Variants in CEP295 observed in about 807,000 individuals in gnomAD.
The protein encoded by CEP295 is centrosomal protein of 295 kDa.
A neutral mutation model predicts 291.6 loss-of-function variants in CEP295; 190 were observed. The ratio of observed to expected loss-of-function variants is 0.65; its 90% CI spans 0.58 to 0.73. CEP295 has a LOEUF of 0.73. Among genes scored for constraint, CEP295 ranks in the 30% least tolerant of loss-of-function variants. CEP295 has a pLI of 0.00. For missense variants in CEP295, 2,863 were observed against 2,949.4 expected (o/e 0.97, Z 0.68); for synonymous variants, 993 against 1,038.8 (o/e 0.96, Z 0.85).
At position 93,692,018 on chromosome 11, in the gene CEP295, A is replaced by G. The variant is rs908874193; in HGVS notation, c.1521A>G (p.Ala507=). The G allele has an allele frequency of 6.7e-6, 10 of 1,494,532 alleles. No individual in the cohort carries two copies. Among genetic ancestry groups the G allele is most frequent in the Middle Eastern group, 1.7e-4 (1 of 5,924 alleles). 92.6% of individuals were successfully genotyped at this position (1,494,532 alleles called of 1,614,324 possible). ...CAGCAGCCAGGATTAGAATGTCAGC[A>G]AGGCAGAAACAGGTAATTTGAAATT... ...QEAAARIRMS[A]RQKQIMEIEE... The change falls in exon 12 of 30, where the codon GCA becomes GCG. Residue 507 remains alanine, a synonymous_variant. Transcript: ENST00000325212.
chr11:93,681,679 G>A (rs1168546257), intron 7 of CEP295, among the ~76,000 whole-genome samples: 2 of 151,910 alleles, frequency 1.3e-5, no homozygotes, highest in African/African-American at 2.4e-5. Flanking sequence ...CTCCCAAATT[G>A]CTGGGATTAC....
chr11:93,667,499 A>T lies in CEP295; in HGVS notation c.109-108A>T, dbSNP rs1385342812. 7.1e-5 allele frequency: 51 copies of T among 718,444 alleles called. No individual in the cohort carries two copies. The East Asian group carries it at 1.3e-3, about 19-fold the overall frequency. The allele number at this position is 718,444 out of a possible 1,614,324, so 44.5% of individuals were successfully genotyped here. On this transcript the variant is annotated intron_variant, in intron 2 of 29. Coordinates refer to ENST00000325212, the MANE Select transcript of CEP295 (RefSeq NM_033395.2). Reference sequence around the variant, plus strand: ...CTAATACAAGATGAGTATCAAAGAGAGTTGACAGACTTAAGAGAATTCATT... The same window carrying T: ...CTAATACAAGATGAGTATCAAAGAGTGTTGACAGACTTAAGAGAATTCATT...
At chr11:93,683,780 A>G in intron 8 of CEP295, 38 bp downstream of exon 8, 1 of 1,505,874 alleles carries the variant, frequency 6.6e-7, no homozygotes. Flanking sequence ...TAGTGATTTT[A>G]TACGTTTTGG....
chr11:93,700,081 T>C lies in CEP295; in HGVS notation c.5169T>C (p.Tyr1723=), dbSNP rs1180139710. The C allele has an allele frequency of 3.2e-6, 5 of 1,551,676 alleles. No homozygotes were observed. The highest frequency in any genetic ancestry group is 2.4e-5 in the East Asian group (1 of 40,924). ...QLDLQREVLH[Y]SQKAQEKLLV... is the part of the protein sequence containing the mutation. ...ATCTACAAAGAGAAGTTCTGCATTA[T>C]AGCCAGAAAGCCCAGGAAAAATTGC... Residue 1723 remains tyrosine (Y), a synonymous_variant, in exon 15 of 30, where the codon TAT becomes TAC. Coordinates refer to ENST00000325212, the MANE Select transcript of CEP295 (RefSeq NM_033395.2).
intron 5 of CEP295, among the ~76,000 whole-genome samples, chr11:93,674,509 C>T (rs1056235800): frequency 6.6e-6 from 1 of 152,144 alleles, no homozygotes; most frequent in African/African-American, 2.4e-5. Context: ...GTGCAGAGTA[C>T]AATGCCACTG....
chr11:93,664,192 CA>C (rs150822511), intron 1 of CEP295, among the ~76,000 whole-genome samples: 2,988 of 152,230 alleles, frequency 0.02, 102 homozygotes, highest in African/African-American at 0.069. Flanking sequence ...AATAAAGATA[CA>C]TTGTGAAGAT....
intron 1 of CEP295, among the ~76,000 whole-genome samples, chr11:93,666,223 T>C (rs1300345306): frequency 6.6e-6 from 1 of 152,222 alleles, no homozygotes; most frequent in East Asian, 1.9e-4. Context: ...TATTTGTAAA[T>C]AAGTTGGACT....
At chr11:93,670,048 TCCTC>T (rs2134811097) in intron 5 of CEP295, among the ~76,000 whole-genome samples, 1 of 152,280 alleles carries the variant, frequency 6.6e-6, no homozygotes, top group South Asian at 2.1e-4. Flanking sequence ...TGTTCAGCCT[TCCTC>T]AATGATGTCA....
chr11:93,694,226 C>T (rs1951737908), intron 12 of CEP295, among the ~76,000 whole-genome samples: 1 of 152,108 alleles, frequency 6.6e-6, no homozygotes, highest in African/African-American at 2.4e-5. Flanking sequence ...CCTTTTTTTA[C>T]TTATTCAGTA....
Position 93,699,887 on chromosome 11 carries a change from C to T in CEP295, c.4975C>T (p.Pro1659Ser), listed in dbSNP as rs982371131. The T allele has an allele frequency of 8.4e-6, 13 of 1,551,852 alleles. No homozygotes were observed. Among genetic ancestry groups the T allele is most frequent in the Middle Eastern group, 1.7e-4 (1 of 6,016 alleles). ...AACAGAGCATTCGTTTATTCCACTA[C>T]CTTTTGCAGAAGCTAAACCTAAAAG... is the stretch of plus-strand genomic sequence containing the variant. ...KETEHSFIPL[P>S]FAEAKPKSTC... Residue 1659 changes from proline (P) to serine (S), a missense_variant, in exon 15 of 30, where the codon CCT becomes TCT. Coordinates refer to ENST00000325212, the MANE Select transcript of CEP295 (RefSeq NM_033395.2).
At position 93,697,420 on chromosome 11, in the gene CEP295, G is replaced by A. The variant is rs763072413; in HGVS notation, c.2508G>A (p.Pro836=). Residue 836 remains proline, a synonymous_variant, in exon 15 of 30, where the codon CCG becomes CCA. Coordinates refer to ENST00000325212, the MANE Select transcript of CEP295 (RefSeq NM_033395.2). ...ISQMHDRPLL[P]SENITAQQGN... The stretch of plus-strand genomic sequence containing the variant: ...AAATGCATGATAGGCCTTTGCTGCC[G>A]TCAGAGAATATCACAGCCCAGCAAG... 2.2e-5 allele frequency: 34 copies of A among 1,552,034 alleles called. No individual in the cohort carries two copies. Among genetic ancestry groups the A allele is most frequent in the Admixed American group, 7.8e-5 (4 of 50,968 alleles).
At chr11:93,714,746 G>A (rs1953124651) in intron 18 of CEP295, among the ~76,000 whole-genome samples, 1 of 152,218 alleles carries the variant, frequency 6.6e-6, no homozygotes, top group African/African-American at 2.4e-5. Flanking sequence ...TACTGCCTTG[G>A]TGGTCTTGGA....
intron 18 of CEP295, chr11:93,719,631 AATTG>A (rs1189843622): frequency 1.3e-5 from 2 of 151,982 alleles, no homozygotes; most frequent in Non-Finnish European, 2.9e-5. Flanking sequence ...GAGTTATCTC[AATTG>A]ATTATTTACA....
At position 93,691,783 on chromosome 11, in the gene CEP295, T is replaced by A. The variant is rs574361264; in HGVS notation, c.1429+8T>A. On this transcript the variant is annotated splice_region_variant and intron_variant, in intron 11 of 29. Transcript: ENST00000325212. ...ACTCTGGAAAAGAACAAGGTATTTC[T>A]TTTTATCACATCCTCAAATTAAATT... 4 of 1,499,224 alleles carry A rather than the reference T, an allele frequency of 2.7e-6. No individual in the cohort carries two copies. The highest frequency in any genetic ancestry group is 3.6e-6 in the Non-Finnish European group (4 of 1,107,698). 92.9% of individuals were successfully genotyped at this position (1,499,224 alleles called of 1,614,324 possible). A position where few individuals can be genotyped will look rare whatever the true frequency, so the allele number is the denominator to read the frequency against.
chr11:93,727,533 G>C lies in CEP295; in HGVS notation c.7057G>C (p.Glu2353Gln). 1 of 1,551,556 alleles carries C rather than the reference G, an allele frequency of 6.4e-7. No homozygotes were observed. The highest frequency in any genetic ancestry group is 8.7e-7 in the Non-Finnish European group (1 of 1,146,900). ...TGAAAAATATTTTGAGAATTCAGCT[G>C]AAACAGACATTCCAAAAATCACCAA... ...QNEKYFENSA[E>Q]TDIPKITKKL... The change falls in exon 24 of 30, where the codon GAA becomes CAA. Residue 2353 changes from glutamate (E) to glutamine (Q), a missense_variant. Transcript: ENST00000325212.
At chr11:93,675,547 A>T in intron 5 of CEP295, 24 bp from the exon 6 acceptor site, 2 of 1,304,468 alleles carry the variant, frequency 1.5e-6, no homozygotes, top group Non-Finnish European at 2.1e-6. Context: ...CTTTTAACCT[A>T]TTTTTTTATG....
At chr11:93,673,197 C>T (rs1950530883) in intron 5 of CEP295, among the ~76,000 whole-genome samples, 1 of 152,126 alleles carries the variant, frequency 6.6e-6, no homozygotes, top group Admixed American at 6.6e-5. Context: ...TGCCTTTGAT[C>T]CTAGCTACTC....
chr11:93,675,635 C>G lies in CEP295; in HGVS notation c.593C>G (p.Thr198Ser), dbSNP rs575290722. 2 of 1,506,050 alleles carry G rather than the reference C, an allele frequency of 1.3e-6. No homozygotes were observed. Among genetic ancestry groups the G allele is most frequent in the South Asian group, 1.3e-5 (1 of 76,660 alleles). The allele number at this position is 1,506,050 out of a possible 1,614,324, so 93.3% of individuals were successfully genotyped here. ...TNSSTYHHLHTFVNRETDTKR... is the reference protein window; with the variant it reads ...TNSSTYHHLHSFVNRETDTKR... ...AGTTCTACCTACCATCATCTTCACA[C>G]TTTTGTGAATAGAGAGACAGACACA... is the stretch of plus-strand genomic sequence containing the variant. Residue 198 changes from threonine to serine, a missense_variant, in exon 6 of 30, where the codon ACT (threonine) becomes AGT (serine). Thr to Ser is a moderately conservative substitution (Grantham distance 58). Around this residue, in one of 3 missense-constraint regions of CEP295, gnomAD observed 554 missense variants for 576.0 expected, o/e 0.96. Transcript: ENST00000325212.
At chr11:93,679,317 A>T (rs572288125) in intron 6 of CEP295, 95 bp from the exon 7 acceptor site, 4 of 992,850 alleles carry the variant, frequency 4.0e-6, no homozygotes, top group Non-Finnish European at 5.9e-6. Context: ...TATTTTATAT[A>T]TGTAGAAAAC....
Sources: gnomAD v4.1 joint callset for allele counts (sites outside exome capture counted in the v4.1 genomes callset) on GRCh38, gnomAD v4.1.1 for gene constraint, gnomAD v4.1.1 regional missense constraint, MANE v1.5 for transcripts, NCBI Gene and HGNC (gene_info 2026-07-23, HGNC 2026-07-21) for gene names.